The following PTPRQ variants were observed in gnomAD, a reference collection of about 807,000 sequenced individuals.
PTPRQ encodes protein tyrosine phosphatase receptor type Q.
A neutral mutation model predicts 246.0 loss-of-function variants in PTPRQ; 199 were observed. The ratio of observed to expected loss-of-function variants is 0.81; its 90% CI spans 0.72 to 0.91. The LOEUF (loss-of-function observed/expected upper bound fraction) is 0.91, where lower values mean the gene tolerates loss of function less well. Ranked by LOEUF, PTPRQ falls within the 40% of genes least tolerant of loss-of-function variation. PTPRQ has a pLI of 0.00. For synonymous variants in PTPRQ, 869 were observed against 853.2 expected, an observed-to-expected ratio of 1.02 and a Z score of -0.32; for missense variants, 2,624 against 2,528.4, an observed-to-expected ratio of 1.04 and a Z score of -0.81.
chr12:80,460,510 A>C (rs1893124910), intron 5 of PTPRQ, 143 bp from the exon 6 acceptor site: 4 of 391,550 alleles, frequency 1.0e-5, no homozygotes, highest in Middle Eastern at 6.4e-4. Context: ...TACAATTAAA[A>C]TCTAGCAAAT....
chr12:80,656,189 C>G (rs538317429), intron 38 of PTPRQ, among the ~76,000 whole-genome samples: 3 of 152,246 alleles, frequency 2.0e-5, no homozygotes, highest in African/African-American at 7.2e-5. Context: ...ATTCCCATTT[C>G]TAAACATAAC....
rs1898635678 is a variant in PTPRQ at position 80,613,575 on chromosome 12, T to A, written c.4919-17T>A. 1.3e-6 allele frequency: 2 copies of A among 1,490,000 alleles called. No individual in the cohort carries two copies. Among genetic ancestry groups the A allele is most frequent in the Non-Finnish European group, 1.8e-6 (2 of 1,117,784 alleles). 92.3% of individuals were successfully genotyped at this position (1,490,000 alleles called of 1,614,324 possible). A position where few individuals can be genotyped will look rare whatever the true frequency, so the allele number is the denominator to read the frequency against. Reference sequence around the variant, plus strand: ...TACAATATTTTTAAAAATTAATTGTTAAATATTTTATTTTAGCCCCAAAGG... The same window carrying A: ...TACAATATTTTTAAAAATTAATTGTAAAATATTTTATTTTAGCCCCAAAGG... On this transcript the variant is annotated splice_polypyrimidine_tract_variant and intron_variant, in intron 28 of 44. Transcript: ENST00000644991.
chr12:80,562,632 A>G (rs11114511), intron 25 of PTPRQ, among the ~76,000 whole-genome samples: 5,023 of 152,234 alleles, frequency 0.033, 273 homozygotes, highest in African/African-American at 0.11. Context: ...AGACTCAGTG[A>G]AAAGAAAGAA....
chr12:80,475,954 G>A (rs1027038606), intron 8 of PTPRQ, among the ~76,000 whole-genome samples: 1 of 151,900 alleles, frequency 6.6e-6, no homozygotes, highest in African/African-American at 2.4e-5. Flanking sequence ...TAACACATTA[G>A]TGTGTTGCGT....
intron 6 of PTPRQ, among the ~76,000 whole-genome samples, chr12:80,466,669 G>A (rs200174993): frequency 2.0e-4 from 31 of 152,216 alleles, no homozygotes; most frequent in African/African-American, 5.8e-4. Flanking sequence ...ATATAGATCA[G>A]TGGAACAGAA....
chr12:80,653,364 G>C (rs1229308268), intron 38 of PTPRQ, among the ~76,000 whole-genome samples: 1 of 152,120 alleles, frequency 6.6e-6, no homozygotes, highest in Non-Finnish European at 1.5e-5. Context: ...AAAATAAACA[G>C]TGTTATTGCT....
intron 8 of PTPRQ, among the ~76,000 whole-genome samples, chr12:80,474,465 T>C (rs2079915735): frequency 6.6e-6 from 1 of 152,194 alleles, no homozygotes; most frequent in Admixed American, 6.5e-5. Flanking sequence ...ACAGTGGAGT[T>C]GATTTCATTA....
chr12:80,644,469 G>GTT (rs374443217), intron 35 of PTPRQ, among the ~76,000 whole-genome samples: 2 of 151,042 alleles, frequency 1.3e-5, no homozygotes, highest in African/African-American at 4.9e-5. Context: ...CCATTTAACA[G>GTT]TTTTTTTTTA....
chr12:80,483,463 A>C (rs1894150787), intron 8 of PTPRQ, among the ~76,000 whole-genome samples: 2 of 150,924 alleles, frequency 1.3e-5, no homozygotes, highest in Non-Finnish European at 3.0e-5. Context: ...CCAGCGTGGC[A>C]CATGTATACA....
At chr12:80,597,528 A>T (rs1898008736) in intron 26 of PTPRQ, among the ~76,000 whole-genome samples, 1 of 151,988 alleles carries the variant, frequency 6.6e-6, no homozygotes, top group Admixed American at 6.6e-5. Context: ...ACATGTTTCC[A>T]TGTTGATTAC....
intron 26 of PTPRQ, 58 bp from the exon 27 acceptor site, chr12:80,605,001 G>A: frequency 4.9e-6 from 7 of 1,437,726 alleles, no homozygotes; most frequent in Non-Finnish European, 6.4e-6. Context: ...TTCTATTATT[G>A]TGCTGTAGCA....
At chr12:80,548,088 G>A (rs1419499123) in intron 24 of PTPRQ, among the ~76,000 whole-genome samples, 2 of 152,124 alleles carry the variant, frequency 1.3e-5, no homozygotes, top group Non-Finnish European at 2.9e-5. Flanking sequence ...ATTTGTACAT[G>A]AGGACAATAA....
chr12:80,601,030 A>C (rs1476671579), intron 26 of PTPRQ, among the ~76,000 whole-genome samples: 1 of 151,600 alleles, frequency 6.6e-6, no homozygotes, highest in African/African-American at 2.4e-5. Context: ...AAACAGCCAA[A>C]CAGTATTCCC....
chr12:80,535,029 T>G lies in PTPRQ; in HGVS notation c.2977T>G (p.Phe993Val). 1 of 1,527,436 alleles carries G rather than the reference T, an allele frequency of 6.5e-7. No homozygotes were observed. The highest frequency in any genetic ancestry group is 8.8e-7 in the Non-Finnish European group (1 of 1,139,418). 94.6% of individuals were successfully genotyped at this position (1,527,436 alleles called of 1,614,324 possible). A position where few individuals can be genotyped will look rare whatever the true frequency, so the allele number is the denominator to read the frequency against. ...SVYYRNTSGT[F>V]MQNFTLHEVT... ...TTATTACAGAAATACTTCAGGTACT[T>G]TTATGCAGGTAAGAACTGAATTTTC... Residue 993 changes from phenylalanine to valine, a missense_variant, in exon 19 of 45, where the codon TTT becomes GTT. Transcript: ENST00000644991.
rs1318885270 is a variant in PTPRQ at position 80,582,994 on chromosome 12, C to T, written c.4286-5135C>T. Among the ~76,000 whole-genome samples, 10 of 152,290 alleles carry T rather than the reference C, an allele frequency of 6.6e-5. No individual in the cohort carries two copies. In the East Asian group the frequency reaches 7.7e-4, roughly 12 times the overall value. ...TTCCACTTACATTGCCTACTTCGCC[C>T]CTTCCCATTCATCTCCTTGTAGACC... On this transcript the variant is annotated intron_variant, in intron 25 of 44. Coordinates refer to ENST00000644991, the MANE Select transcript of PTPRQ (RefSeq NM_001145026.2).
chr12:80,642,934 A>AAAAACAAC (rs1565836983), intron 35 of PTPRQ, among the ~76,000 whole-genome samples: 15 of 149,246 alleles, frequency 1.0e-4, no homozygotes, highest in African/African-American at 3.8e-4. Context: ...AAAAAAAAAA[A>AAAAACAAC]AAAAAAAAAA....
intron 3 of PTPRQ, among the ~76,000 whole-genome samples, chr12:80,450,933 GA>G (rs1892742807): frequency 2.6e-5 from 4 of 152,258 alleles, no homozygotes; most frequent in African/African-American, 7.2e-5. Flanking sequence ...CTATTGATTG[GA>G]ATAGTTTCAG....
At chr12:80,565,141 A>G (rs1298057834) in intron 25 of PTPRQ, among the ~76,000 whole-genome samples, 6 of 152,246 alleles carry the variant, frequency 3.9e-5, no homozygotes, top group Non-Finnish European at 7.3e-5. Flanking sequence ...ATCTTGGATC[A>G]GTTCCAAAAG....
intron 39 of PTPRQ, among the ~76,000 whole-genome samples, chr12:80,658,628 G>A (rs1900525161): frequency 6.6e-6 from 1 of 151,932 alleles, no homozygotes; most frequent in South Asian, 2.1e-4. Flanking sequence ...GCCTCTTTTG[G>A]CATTGATTCA....
Sources: allele counts gnomAD v4.1 joint callset (sites outside exome capture counted in the v4.1 genomes callset), GRCh38; gene constraint gnomAD v4.1.1; transcripts MANE v1.5; gene names NCBI Gene and HGNC (gene_info 2026-07-23, HGNC 2026-07-21).